NBEA: variants seen among roughly 807,000 people sequenced by gnomAD.
NBEA encodes neurobeachin.
In NBEA, 44 loss-of-function variants were observed where a neutral mutation model predicts 343.4. That is an observed-to-expected ratio of 0.13 (90% CI 0.10 to 0.16). The LOEUF is 0.16. NBEA is among the 10% of genes least tolerant of loss of function. The pLI, the probability that NBEA is intolerant of heterozygous loss-of-function variation, is 1.00. For missense variants in NBEA, 2,555 were observed against 3,631.3 expected (o/e 0.70, Z 7.62); for synonymous variants, 1,175 against 1,238.7 (o/e 0.95, Z 1.08).
chr13:35,109,191 A>T (rs1424424979), intron 11 of NBEA, 99 bp from the exon 12 acceptor site: 16 of 1,011,634 alleles, frequency 1.6e-5, no homozygotes, highest in Non-Finnish European at 2.2e-5. Context: ...TTTATTAGGG[A>T]TAGCATATGA....
At chr13:35,141,656 C>A (rs561378761) in intron 17 of NBEA, among the ~76,000 whole-genome samples, 1 of 152,124 alleles carries the variant, frequency 6.6e-6, no homozygotes, top group Non-Finnish European at 1.5e-5. Context: ...TTTAATGGAA[C>A]CTTCTATCCT....
chr13:34,944,219 A>G (rs563043397), intron 1 of NBEA, among the ~76,000 whole-genome samples: 1 of 152,356 alleles, frequency 6.6e-6, no homozygotes, highest in Non-Finnish European at 1.5e-5. Context: ...GTGTGGGGTC[A>G]CAGGAATATA....
At chr13:35,206,497 A>G (rs1447385802) in intron 31 of NBEA, among the ~76,000 whole-genome samples, 2 of 152,160 alleles carry the variant, frequency 1.3e-5, no homozygotes, top group East Asian at 1.9e-4. Flanking sequence ...TGGAGAGTCA[A>G]TGAAATAGTA....
chr13:35,261,533 A>G (rs925630716), intron 34 of NBEA, among the ~76,000 whole-genome samples: 1 of 152,084 alleles, frequency 6.6e-6, no homozygotes, highest in Non-Finnish European at 1.5e-5. Flanking sequence ...ATAATAAAGT[A>G]AAATATGAAT....
chr13:35,587,838 G>C (rs1410188495), intron 46 of NBEA, among the ~76,000 whole-genome samples: 1 of 152,094 alleles, frequency 6.6e-6, no homozygotes, highest in African/African-American at 2.4e-5. Context: ...GCAAGGGTAT[G>C]CCAGAATATT....
intron 1 of NBEA, among the ~76,000 whole-genome samples, chr13:35,027,182 G>A (rs2062045236): frequency 6.6e-6 from 1 of 151,820 alleles, no homozygotes; most frequent in Non-Finnish European, 1.5e-5. Context: ...CTACTTTATG[G>A]CTATTACAAA....
intron 44 of NBEA, among the ~76,000 whole-genome samples, chr13:35,564,953 A>G (rs35981284): frequency 0.2 from 30,904 of 152,240 alleles, 3,470 homozygotes; most frequent in South Asian, 0.29. Context: ...CAGATGGCAT[A>G]TGCCAACACA....
chr13:35,291,752 T>C (rs1314261901), intron 35 of NBEA, among the ~76,000 whole-genome samples: 1 of 151,980 alleles, frequency 6.6e-6, no homozygotes, highest in African/African-American at 2.4e-5. Context: ...CCTCATCATC[T>C]AATCATAGGT....
chr13:35,626,658 TA>T (rs2083244045), intron 48 of NBEA, among the ~76,000 whole-genome samples: 1 of 152,192 alleles, frequency 6.6e-6, no homozygotes, highest in African/African-American at 2.4e-5. Context: ...AAAATATTAC[TA>T]AATAATTAGA....
chr13:35,249,659 G>T (rs1033722722), intron 34 of NBEA, among the ~76,000 whole-genome samples: 99 of 152,278 alleles, frequency 6.5e-4, no homozygotes, highest in African/African-American at 2.3e-3. Flanking sequence ...ATGGAAAACA[G>T]TATGGCATTT....
At chr13:34,980,195 T>TG (rs983452224) in intron 1 of NBEA, among the ~76,000 whole-genome samples, 20 of 152,096 alleles carry the variant, frequency 1.3e-4, no homozygotes, top group African/African-American at 4.8e-4. Context: ...AGCTGTTTTT[T>TG]TTGTTGTTGT....
chr13:35,419,107 T>G (rs1162806068), intron 38 of NBEA, among the ~76,000 whole-genome samples: 3 of 152,096 alleles, frequency 2.0e-5, no homozygotes, highest in Admixed American at 2.0e-4. Context: ...TTTCCACTTA[T>G]GGCATCATGT....
At chr13:35,217,526 A>G (rs191988457) in intron 33 of NBEA, among the ~76,000 whole-genome samples, 34 of 152,072 alleles carry the variant, frequency 2.2e-4, no homozygotes, top group African/African-American at 6.7e-4. Flanking sequence ...TCTGTGATCT[A>G]TTTTGAGCTG....
At chr13:34,952,874 G>A (rs575238576) in intron 1 of NBEA, among the ~76,000 whole-genome samples, 15 of 152,156 alleles carry the variant, frequency 9.9e-5, no homozygotes, top group Non-Finnish European at 1.3e-4. Context: ...TATAGATTGG[G>A]TTTGGGTTCA....
intron 40 of NBEA, among the ~76,000 whole-genome samples, chr13:35,470,918 A>T (rs545846855): frequency 5.6e-4 from 86 of 152,344 alleles, no homozygotes; most frequent in Non-Finnish European, 5.7e-4. Flanking sequence ...GGTGCTTCAG[A>T]TCGACTGCCT....
rs767946922 is a variant in NBEA at position 35,173,578 on chromosome 13, C to T, written c.4538C>T (p.Ala1513Val). The change falls in exon 27 of 59, where the codon GCT becomes GTT. Residue 1513 changes from alanine (A) to valine (V), a missense_variant. Physicochemically the swap from Ala to Val is moderately conservative, Grantham distance 64. Around this residue, in one of 21 missense-constraint regions of NBEA, gnomAD observed 168 missense variants for 193.0 expected, o/e 0.87. Coordinates refer to ENST00000379939, the MANE Select transcript of NBEA (RefSeq NM_001385012.1). ...KPQEVPQSVTATAASKTPLEN... is the reference protein window; with the variant it reads ...KPQEVPQSVTVTAASKTPLEN... The stretch of plus-strand genomic sequence containing the variant: ...CAGGAAGTTCCTCAAAGTGTGACTG[C>T]TACAGCAGCTTCGAAGGTAAGTAAA... 2 of 1,601,688 alleles carry T rather than the reference C, an allele frequency of 1.2e-6. No individual in the cohort carries two copies. The highest frequency in any genetic ancestry group is 8.5e-7 in the Non-Finnish European group (1 of 1,175,552).
intron 1 of NBEA, among the ~76,000 whole-genome samples, chr13:34,977,107 A>G (rs1305801252): frequency 1.3e-5 from 2 of 151,412 alleles, no homozygotes; most frequent in Non-Finnish European, 2.9e-5. Flanking sequence ...CGGCCAGCAA[A>G]TTTTGTATTT....
chr13:35,561,821 T>C (rs9544645), intron 44 of NBEA, among the ~76,000 whole-genome samples: 22,212 of 152,126 alleles, frequency 0.15, 1,901 homozygotes, highest in East Asian at 0.35. Flanking sequence ...CATAGAAGTA[T>C]CTTGCCAAAA....
At chr13:35,558,846 T>C (rs1259069209) in intron 44 of NBEA, among the ~76,000 whole-genome samples, 1 of 152,174 alleles carries the variant, frequency 6.6e-6, no homozygotes, top group Non-Finnish European at 1.5e-5. Context: ...CCATTCAGTG[T>C]AATAAAAGTT....
Sources: gnomAD v4.1 joint callset for allele counts (sites outside exome capture counted in the v4.1 genomes callset) on GRCh38, gnomAD v4.1.1 for gene constraint, gnomAD v4.1.1 regional missense constraint, MANE v1.5 for transcripts, NCBI Gene and HGNC (gene_info 2026-07-23, HGNC 2026-07-21) for gene names.